FAM184A: variants seen among roughly 807,000 people sequenced by gnomAD.
The protein encoded by FAM184A is protein FAM184A.
Under a neutral mutation model 143.8 loss-of-function variants are expected in FAM184A, and 99 were observed. That is an observed-to-expected ratio of 0.69 (90% CI 0.58 to 0.81). The LOEUF (loss-of-function observed/expected upper bound fraction) is 0.81. FAM184A is among the 40% of genes least tolerant of loss of function. The pLI, the probability that FAM184A is intolerant of heterozygous loss-of-function variation, is 0.00. For missense variants in FAM184A, 1,217 were observed against 1,310.5 expected, an observed-to-expected ratio of 0.93 and a Z score of 1.10; for synonymous variants, 427 against 446.4, an observed-to-expected ratio of 0.96 and a Z score of 0.55.
chr6:118,994,674 A>C (rs1195347678), intron 9 of FAM184A, among the ~76,000 whole-genome samples: 1 of 148,018 alleles, frequency 6.8e-6, no homozygotes, highest in African/African-American at 2.5e-5. Flanking sequence ...CAACAGAGCG[A>C]GACTCCATCT....
In FAM184A at chr6:119,129,686, GT is replaced by G. The variant is rs550245659; in HGVS notation, c.-202+19391del. Among the ~76,000 whole-genome samples the G allele has an allele frequency of 2.2e-4, 33 of 148,124 alleles. No individual in the cohort carries two copies. In the East Asian group the frequency reaches 4.7e-3, roughly 21 times the overall value. Reference sequence around the variant, plus strand: ...CTTTGAGAGAGCTGAATAGGGGGGTGTTTTTTGGTTTCATTTTTGTGTTTTG... The same window carrying G: ...CTTTGAGAGAGCTGAATAGGGGGGTGTTTTTGGTTTCATTTTTGTGTTTTG... On this transcript the variant is annotated intron_variant, in intron 1 of 16. Transcript: ENST00000352896.
chr6:119,120,979 C>CTT (rs11375906), intron 1 of FAM184A, among the ~76,000 whole-genome samples: 15 of 141,518 alleles, frequency 1.1e-4, no homozygotes, highest in Admixed American at 5.6e-4. Context: ...GAAAAACTTT[C>CTT]TTTTTTTTTT....
Position 118,994,043 on chromosome 6 carries a change from G to A in FAM184A, c.2088+8856C>T, listed in dbSNP as rs760748815. 1.3e-3 allele frequency among the ~76,000 whole-genome samples: 191 copies of A among 152,134 alleles called. 1 individual carries two copies. Among genetic ancestry groups the A allele is most frequent in the Admixed American group, 3.7e-3 (56 of 15,276 alleles). On this transcript the variant is annotated intron_variant, in intron 9 of 17. Coordinates refer to ENST00000338891, the MANE Select transcript of FAM184A (RefSeq NM_024581.6). ...CTCAGGGGCTGTGCACACACTGCCCGCTCTGCTCAGAATGCTGTTCTTCTG... is the reference window on the plus strand; with the variant it reads ...CTCAGGGGCTGTGCACACACTGCCCACTCTGCTCAGAATGCTGTTCTTCTG...
intron 1 of FAM184A, among the ~76,000 whole-genome samples, chr6:119,129,102 A>G (rs1002636956): frequency 6.6e-6 from 1 of 152,228 alleles, no homozygotes; most frequent in African/African-American, 2.4e-5. Context: ...GAATCTACCT[A>G]TAACCTGGAA....
intron 1 of FAM184A, chr6:119,025,553 C>T: frequency 1.9e-6 from 1 of 518,768 alleles, no homozygotes; most frequent in Non-Finnish European, 3.8e-6. Context: ...CATTTTAGTT[C>T]CTAGGTTTTA....
At chr6:119,014,289 A>C (rs1785173342) in intron 5 of FAM184A, among the ~76,000 whole-genome samples, 1 of 152,246 alleles carries the variant, frequency 6.6e-6, no homozygotes, top group African/African-American at 2.4e-5. Flanking sequence ...TTAATCCTCG[A>C]AGGAACATTT....
At chr6:118,961,585 C>A (rs549591642) in intron 17 of FAM184A, among the ~76,000 whole-genome samples, 176 bp downstream of exon 17, 6 of 151,992 alleles carry the variant, frequency 3.9e-5, no homozygotes, top group African/African-American at 1.4e-4. Context: ...TAGAAAAAAT[C>A]TTTTTAACAC....
chr6:119,054,706 G>A (rs138515394), intron 1 of FAM184A, among the ~76,000 whole-genome samples: 15 of 152,138 alleles, frequency 9.9e-5, no homozygotes, highest in East Asian at 9.6e-4. Flanking sequence ...TATCTTAACC[G>A]TCACTAAACC....
chr6:119,051,111 A>G (rs1786746354), intron 1 of FAM184A, among the ~76,000 whole-genome samples: 1 of 149,698 alleles, frequency 6.7e-6, no homozygotes, highest in South Asian at 2.2e-4. Flanking sequence ...TTACCTACAT[A>G]ACAAACTCAC....
At chr6:119,053,069 C>G (rs1786825582) in intron 1 of FAM184A, among the ~76,000 whole-genome samples, 1 of 152,050 alleles carries the variant, frequency 6.6e-6, no homozygotes, top group Non-Finnish European at 1.5e-5. Flanking sequence ...ATCGAAATAC[C>G]TCAGGAAAAG....
At chr6:119,104,266 C>T (rs1370723561) in intron 1 of FAM184A, among the ~76,000 whole-genome samples, 1 of 152,140 alleles carries the variant, frequency 6.6e-6, no homozygotes, top group African/African-American at 2.4e-5. Flanking sequence ...CTCTGCCTCC[C>T]AAAGTACTGG....
At chr6:118,977,430 A>C (rs1783879956) in intron 11 of FAM184A, among the ~76,000 whole-genome samples, 1 of 152,136 alleles carries the variant, frequency 6.6e-6, no homozygotes, top group African/African-American at 2.4e-5. Flanking sequence ...AATTACAAAA[A>C]TTAGCTGGGT....
chr6:119,144,594 T>G (rs539423150), intron 1 of FAM184A, among the ~76,000 whole-genome samples: 1 of 152,342 alleles, frequency 6.6e-6, no homozygotes, highest in African/African-American at 2.4e-5. Flanking sequence ...TCAAAAGACT[T>G]GGGGAACAAA....
At chr6:118,968,430 T>A (rs1300790441) in intron 14 of FAM184A, among the ~76,000 whole-genome samples, 1 of 152,266 alleles carries the variant, frequency 6.6e-6, no homozygotes, top group East Asian at 1.9e-4. Flanking sequence ...CTTTTGTTCT[T>A]TTGTGACAAT....
rs534281672 is a variant in FAM184A at position 119,141,394 on chromosome 6, C to T, written c.-202+7684G>A. ...AGTCGAGTGCAGCGTTGGCACCAAC[C>T]GGAGGGGCCTGGATGCAGGGCTGCT... On this transcript the variant is annotated intron_variant, in intron 1 of 16. Coordinates refer to the FAM184A transcript ENST00000352896. Among the ~76,000 whole-genome samples the T allele has an allele frequency of 1.1e-4, 16 of 152,332 alleles. No individual in the cohort carries two copies. The East Asian group carries it at 3.1e-3, about 29-fold the overall frequency.
chr6:119,009,367 G>A (rs759825519), intron 6 of FAM184A, among the ~76,000 whole-genome samples: 16 of 152,078 alleles, frequency 1.1e-4, no homozygotes, highest in Admixed American at 8.5e-4. Flanking sequence ...TCTTTCCTGC[G>A]CTGTTCTTGT....
intron 1 of FAM184A, among the ~76,000 whole-genome samples, chr6:119,027,187 C>A (rs1033442663): frequency 6.6e-6 from 1 of 152,202 alleles, no homozygotes; most frequent in African/African-American, 2.4e-5. Context: ...AGATGTCCCA[C>A]TTTCCAGGCT....
intron 1 of FAM184A, among the ~76,000 whole-genome samples, chr6:119,123,560 T>C (rs1280848907): frequency 6.6e-6 from 1 of 152,184 alleles, no homozygotes; most frequent in Non-Finnish European, 1.5e-5. Context: ...TGTTGAGTTC[T>C]GTTAGGCCCT....
upstream of FAM184A, among the ~76,000 whole-genome samples, chr6:119,082,732 C>A (rs1788107494): frequency 6.6e-6 from 1 of 152,242 alleles, no homozygotes; most frequent in Non-Finnish European, 1.5e-5. Context: ...CTGCAGGATG[C>A]AGCCCCCATG....
Sources: gnomAD v4.1 joint callset for allele counts (sites outside exome capture counted in the v4.1 genomes callset) on GRCh38, gnomAD v4.1.1 for gene constraint, MANE v1.5 for transcripts, NCBI Gene and HGNC (gene_info 2026-07-23, HGNC 2026-07-21) for gene names.